ADAM22: variants seen among roughly 807,000 people sequenced by gnomAD.
The protein encoded by ADAM22 is ADAM metallopeptidase domain 22.
Under a neutral mutation model 144.6 loss-of-function variants are expected in ADAM22, and 65 were observed. The observed-to-expected ratio is 0.45, with a 90% CI of 0.37 to 0.55. The LOEUF (loss-of-function observed/expected upper bound fraction) is 0.55, where lower values mean the gene tolerates loss of function less well. Among genes scored for constraint, ADAM22 ranks in the 20% least tolerant of loss-of-function variants. ADAM22 has a pLI of 0.00. For synonymous variants in ADAM22, 391 were observed against 412.6 expected (o/e 0.95, Z 0.63); for missense variants, 974 against 1,184.9 (o/e 0.82, Z 2.61).
At chr7:88,003,668 T>C (rs1168126760) in intron 3 of ADAM22, among the ~76,000 whole-genome samples, 1 of 152,208 alleles carries the variant, frequency 6.6e-6, no homozygotes, top group African/African-American at 2.4e-5. Context: ...TCTTGTTCTT[T>C]AAGAAAAGGA....
chr7:88,138,866 T>G (rs1833771253), intron 14 of ADAM22, among the ~76,000 whole-genome samples: 1 of 152,168 alleles, frequency 6.6e-6, no homozygotes, highest in Admixed American at 6.5e-5. Flanking sequence ...AATGTTCAAC[T>G]GTTCATATAT....
chr7:87,973,258 C>T (rs1373375323), intron 2 of ADAM22, among the ~76,000 whole-genome samples: 1 of 151,320 alleles, frequency 6.6e-6, no homozygotes, highest in East Asian at 2.0e-4. Flanking sequence ...AAAAACAAAC[C>T]CATCAAAAAG....
intron 3 of ADAM22, among the ~76,000 whole-genome samples, chr7:88,048,808 G>A (rs1443536031): frequency 6.6e-6 from 1 of 151,914 alleles, no homozygotes; most frequent in Non-Finnish European, 1.5e-5. Flanking sequence ...AGATTTTATG[G>A]CTACCCTCTA....
chr7:88,067,421 G>A (rs547638930), intron 3 of ADAM22, among the ~76,000 whole-genome samples: 13 of 136,114 alleles, frequency 9.6e-5, no homozygotes, highest in African/African-American at 3.4e-4. Flanking sequence ...AACAGTCCCC[G>A]AGTACCTTGG....
chr7:87,956,078 C>T (rs951955703), intron 2 of ADAM22, among the ~76,000 whole-genome samples: 3 of 152,196 alleles, frequency 2.0e-5, no homozygotes, highest in African/African-American at 4.8e-5. Flanking sequence ...CCTTGCGCTT[C>T]CCGAGTGAGG....
intron 2 of ADAM22, among the ~76,000 whole-genome samples, chr7:87,949,148 T>C (rs1844424373): frequency 1.3e-5 from 2 of 152,188 alleles, no homozygotes; most frequent in Admixed American, 6.5e-5. Flanking sequence ...CCTGCACTTA[T>C]ACCCCTCCTG....
At chr7:87,994,348 A>G (rs1228474696) in intron 3 of ADAM22, among the ~76,000 whole-genome samples, 3 of 151,968 alleles carry the variant, frequency 2.0e-5, no homozygotes, top group Non-Finnish European at 4.4e-5. Context: ...TTTTTAGTAG[A>G]CACGGGGTTT....
rs1182570243 is a variant in ADAM22, at chr7:88,200,478, T to C, written c.*3987T>C. 6.6e-6 allele frequency: 1 copy of C among 152,248 alleles called. No homozygotes were observed. The highest frequency in any genetic ancestry group is 1.5e-5 in the Non-Finnish European group (1 of 68,044). 9.4% of individuals were successfully genotyped at this position (152,248 alleles called of 1,614,324 possible). A position where few individuals can be genotyped will look rare whatever the true frequency, so the allele number is the denominator to read the frequency against. ...GACACATCTGGCTGCTGCCACTGGA[T>C]GCCCACATGGGCAGCGTGTTGTAAA... On this transcript the variant is annotated 3_prime_UTR_variant, in exon 32 of 32. Coordinates refer to ENST00000413139, the MANE Select transcript of ADAM22 (RefSeq NM_001324418.2).
intron 3 of ADAM22, among the ~76,000 whole-genome samples, chr7:88,045,655 G>A (rs952722510): frequency 6.6e-6 from 1 of 152,024 alleles, no homozygotes; most frequent in Non-Finnish European, 1.5e-5. Context: ...TTGGACTTTT[G>A]TACCTTTTAA....
intron 3 of ADAM22, among the ~76,000 whole-genome samples, chr7:88,045,319 A>G (rs1804333668): frequency 6.6e-6 from 1 of 152,164 alleles, no homozygotes; most frequent in African/African-American, 2.4e-5. Flanking sequence ...CACCAGGCCT[A>G]ATAGAGACAT....
chr7:88,136,906 T>A (rs2129505595), intron 14 of ADAM22, among the ~76,000 whole-genome samples: 1 of 152,190 alleles, frequency 6.6e-6, no homozygotes, highest in East Asian at 2.0e-4. Context: ...CTTGGAATCA[T>A]CATCATTAAA....
intron 3 of ADAM22, among the ~76,000 whole-genome samples, chr7:88,013,279 G>C (rs567183051): frequency 6.6e-6 from 1 of 152,248 alleles, no homozygotes; most frequent in African/African-American, 2.4e-5. Context: ...TTCTCTGATA[G>C]GTTCAAGAAA....
intron 3 of ADAM22, among the ~76,000 whole-genome samples, chr7:88,052,245 C>T (rs1374393436): frequency 6.6e-6 from 1 of 151,712 alleles, no homozygotes; most frequent in Non-Finnish European, 1.5e-5. Context: ...CGCCTGTAAT[C>T]CCAGCACTTT....
intron 31 of ADAM22, among the ~76,000 whole-genome samples, chr7:88,195,641 GA>G (rs1563448001): frequency 4.7e-4 from 71 of 152,036 alleles, no homozygotes; most frequent in African/African-American, 1.6e-3. Context: ...TCAGCCTCCC[GA>G]GTAGCTGGGA....
intron 3 of ADAM22, among the ~76,000 whole-genome samples, chr7:87,997,041 G>C (rs1182396118): frequency 6.6e-6 from 1 of 152,184 alleles, no homozygotes; most frequent in African/African-American, 2.4e-5. Context: ...GAGGTCACCT[G>C]TCTTGAAGGA....
Position 88,116,834 on chromosome 7 carries a change from A to G in ADAM22, c.607+20A>G, listed in dbSNP as rs1827874568. On this transcript the variant is annotated intron_variant, in intron 7 of 31. Transcript: ENST00000413139. The stretch of plus-strand genomic sequence containing the variant: ...CATCTGGTATGATGTTCATATAGTG[A>G]CTTTTTATCTAAAAGACAACTTCAG... 6.4e-7 allele frequency: 1 copy of G among 1,567,198 alleles called. No homozygotes were observed. Among genetic ancestry groups the G allele is most frequent in the African/African-American group, 1.4e-5 (1 of 73,834 alleles).
At chr7:88,146,061 C>T (rs1237333675) in intron 17 of ADAM22, among the ~76,000 whole-genome samples, 1 of 152,152 alleles carries the variant, frequency 6.6e-6, no homozygotes, top group Non-Finnish European at 1.5e-5. Flanking sequence ...CTCCCAGCAG[C>T]ATCCTCATAC....
Position 87,996,533 on chromosome 7 carries a change from A to C in ADAM22, c.323+18121A>C, listed in dbSNP as rs1562982262. On this transcript the variant is annotated intron_variant, in intron 3 of 31. Coordinates refer to ENST00000413139, the MANE Select transcript of ADAM22 (RefSeq NM_001324418.2). ...CCAGCTCCTCATATAATCACATTGG[A>C]GGTTAGGATTTCCACATCTGAATTT... Among the ~76,000 whole-genome samples, 3 of 152,266 alleles carry C rather than the reference A, an allele frequency of 2.0e-5. No homozygotes were observed. The South Asian group carries it at 6.2e-4, about 32-fold the overall frequency.
intron 3 of ADAM22, among the ~76,000 whole-genome samples, chr7:87,998,451 A>C (rs1348600090): frequency 6.6e-6 from 1 of 151,980 alleles, no homozygotes; most frequent in Non-Finnish European, 1.5e-5. Flanking sequence ...AGTGCAGTGG[A>C]ACAATCTCAG....
Sources: gnomAD v4.1 joint callset for allele counts (sites outside exome capture counted in the v4.1 genomes callset) on GRCh38, gnomAD v4.1.1 for gene constraint, MANE v1.5 for transcripts, NCBI Gene and HGNC (gene_info 2026-07-23, HGNC 2026-07-21) for gene names.